Variants in SLC22A14 observed in about 807,000 individuals in gnomAD.
The protein encoded by SLC22A14 is organic cation transporter-like 4.
In SLC22A14, 50 loss-of-function variants were observed where a neutral mutation model predicts 53.9. The observed-to-expected ratio is 0.93, with a 90% CI of 0.74 to 1.17. SLC22A14 has a LOEUF of 1.17. SLC22A14 is among the 50% of genes most tolerant of loss of function. The pLI, the probability that SLC22A14 is intolerant of heterozygous loss-of-function variation, is 0.00. For synonymous variants in SLC22A14, 312 were observed against 303.0 expected (o/e 1.03, Z -0.31); for missense variants, 671 against 734.7 (o/e 0.91, Z 1.00).
At chr3:38,312,815 G>A (rs1221002801) in intron 5 of SLC22A14, among the ~76,000 whole-genome samples, 184 bp from the exon 6 acceptor site, 1 of 152,196 alleles carries the variant, frequency 6.6e-6, no homozygotes, top group Non-Finnish European at 1.5e-5. Flanking sequence ...GGCTTAGACA[G>A]GGGAAGGGCT....
intron 1 of SLC22A14, among the ~76,000 whole-genome samples, chr3:38,298,423 CATCTATCTATCTATCTATCTATCTATCT>C (rs60379934): frequency 6.8e-6 from 1 of 146,380 alleles, no homozygotes; most frequent in African/African-American, 2.5e-5. Flanking sequence ...CTTGCACACA[CATCTATCTATCTATCTATCTATCTATCT>C]ATCTATCTAT....
rs778874127 is a variant in SLC22A14 at position 38,306,149 on chromosome 3, G to T, written c.123G>T (p.Leu41Phe). Residue 41 changes from leucine to phenylalanine, a missense_variant, in exon 2 of 11, where the codon TTG becomes TTT. Leu to Phe is a conservative substitution (Grantham distance 22, BLOSUM62 0). Coordinates refer to ENST00000448498, the MANE Select transcript of SLC22A14 (RefSeq NM_001320033.2). ...CTCTGGAGATGCTGTTACGCAGATT[G>T]AGGGCTGTCCACACCAAGCAGGATG... Reference protein sequence around the residue: ...SWSLEMLLRRLRAVHTKQDDK... With the variant: ...SWSLEMLLRRFRAVHTKQDDK... 47 of 1,614,056 alleles carry T rather than the reference G, an allele frequency of 2.9e-5. No individual in the cohort carries two copies. In the South Asian group the frequency reaches 5.1e-4, roughly 17 times the overall value.
At position 38,307,650 on chromosome 3, in the gene SLC22A14, C is replaced by T. The variant is rs1704345137; in HGVS notation, c.705C>T (p.His235=). ...GFGTAFMNSF[H]LYLFFRFGIS... ...GGACAGCCTTCATGAACAGCTTTCA[C>T]CTGTATTTGTTCTTTCGCTTTGGCA... The change falls in exon 4 of 11, where the codon CAC becomes CAT. Residue 235 remains histidine (H), a synonymous_variant. Transcript: ENST00000448498. The surrounding 1 kb of genome is among the most constrained non-coding windows in gnomAD (Gnocchi z 4.4). 1 of 1,614,030 alleles carries T rather than the reference C, an allele frequency of 6.2e-7. No individual in the cohort carries two copies. The highest frequency in any genetic ancestry group is 8.5e-7 in the Non-Finnish European group (1 of 1,179,912).
chr3:38,316,938 T>C (rs911674080), intron 10 of SLC22A14, among the ~76,000 whole-genome samples: 3 of 152,196 alleles, frequency 2.0e-5, no homozygotes, highest in South Asian at 2.1e-4. Flanking sequence ...CTGGTTTTCA[T>C]AAAAAACCCA....
intron 6 of SLC22A14, 76 bp downstream of exon 6, chr3:38,313,195 G>T: frequency 6.3e-7 from 1 of 1,577,208 alleles, no homozygotes; most frequent in Admixed American, 1.8e-5. Flanking sequence ...ATCCTTTCAG[G>T]TGGGACATTG....
intron 1 of SLC22A14, among the ~76,000 whole-genome samples, chr3:38,287,968 C>T (rs956800473): frequency 4.6e-5 from 7 of 152,250 alleles, no homozygotes; most frequent in South Asian, 2.1e-4. Context: ...AACATCTTAA[C>T]CATTGTTAAG....
intron 1 of SLC22A14, among the ~76,000 whole-genome samples, chr3:38,294,315 G>T (rs202994): frequency 1 from 152,082 of 152,224 alleles, 75,970 homozygotes; most frequent in Middle Eastern, 1. Flanking sequence ...AAAGAAAGTT[G>T]GTACATGTGG....
chr3:38,308,523 G>A (rs1267234782), intron 4 of SLC22A14, among the ~76,000 whole-genome samples: 2 of 152,228 alleles, frequency 1.3e-5, no homozygotes, highest in African/African-American at 4.8e-5. Context: ...CTAGTTGCTC[G>A]GGGTTTCCTG....
intron 1 of SLC22A14, among the ~76,000 whole-genome samples, chr3:38,297,594 A>G (rs1244902502): frequency 2.0e-5 from 3 of 152,012 alleles, no homozygotes; most frequent in Non-Finnish European, 2.9e-5. Flanking sequence ...TCCATTAGCT[A>G]TTCTTCCTGA....
intron 1 of SLC22A14, among the ~76,000 whole-genome samples, chr3:38,282,704 T>C (rs1703698576): frequency 6.6e-6 from 1 of 151,946 alleles, no homozygotes; most frequent in South Asian, 2.1e-4. Flanking sequence ...TGCTCCAGGG[T>C]ATTGGGGTAT....
In SLC22A14 at chr3:38,307,773, A is replaced by T; in HGVS notation, c.775+53A>T. 6.3e-7 allele frequency: 1 copy of T among 1,596,466 alleles called. No homozygotes were observed. Among genetic ancestry groups the T allele is most frequent in the Non-Finnish European group, 8.6e-7 (1 of 1,168,156 alleles). ...CAGGGTGGCACAGGGGCATGGCGGC[A>T]TAGGCGGGTGACAAGGGGACATAGT... On this transcript the variant is annotated intron_variant, in intron 4 of 10. Transcript: ENST00000448498. The surrounding 1 kb of genome is among the most constrained non-coding windows in gnomAD (Gnocchi z 4.4).
intron 1 of SLC22A14, among the ~76,000 whole-genome samples, chr3:38,285,174 TAGC>T (rs774762445): frequency 6.6e-6 from 1 of 152,084 alleles, no homozygotes; most frequent in Non-Finnish European, 1.5e-5. Context: ...GAGCAAGTAG[TAGC>T]AGGCAGAAGT....
In SLC22A14 at chr3:38,313,298, C is replaced by G; in HGVS notation, c.1066-90C>G. On this transcript the variant is annotated intron_variant, in intron 6 of 10. Coordinates refer to ENST00000448498, the MANE Select transcript of SLC22A14 (RefSeq NM_001320033.2). ...AAGGCCAGAAGCCAGCTGGCACTTTCAGGGACAGGCAGGCCTTGTGGGTGC... is the reference window on the plus strand; with the variant it reads ...AAGGCCAGAAGCCAGCTGGCACTTTGAGGGACAGGCAGGCCTTGTGGGTGC... 3 of 1,371,058 alleles carry G rather than the reference C, an allele frequency of 2.2e-6. No individual in the cohort carries two copies. In the South Asian group the frequency reaches 3.5e-5, roughly 16 times the overall value. The allele number at this position is 1,371,058 out of a possible 1,614,324, so 84.9% of individuals were successfully genotyped here.
At chr3:38,298,833 G>T (rs1344838894) in intron 1 of SLC22A14, among the ~76,000 whole-genome samples, 1 of 152,154 alleles carries the variant, frequency 6.6e-6, no homozygotes, top group Non-Finnish European at 1.5e-5. Context: ...GGGATTACAG[G>T]TGTGAGCCAC....
chr3:38,317,944 G>A (rs1343807747), intron 10 of SLC22A14, among the ~76,000 whole-genome samples: 2 of 152,182 alleles, frequency 1.3e-5, no homozygotes, highest in African/African-American at 4.8e-5. Flanking sequence ...TGTGGCAAGT[G>A]CTCAGTAAAT....
chr3:38,295,482 A>T (rs1027504156), intron 1 of SLC22A14, among the ~76,000 whole-genome samples: 24 of 152,224 alleles, frequency 1.6e-4, no homozygotes, highest in African/African-American at 5.8e-4. Context: ...TTTTGATAGG[A>T]AGGCTATGGG....
At position 38,316,331 on chromosome 3, in the gene SLC22A14, G is replaced by T; in HGVS notation, c.1540G>T (p.Gly514Cys). Residue 514 changes from glycine to cysteine, a missense_variant, in exon 10 of 11, where the codon GGT becomes TGT. Gly to Cys is a radical substitution (Grantham distance 159, BLOSUM62 -3). Coordinates refer to ENST00000448498, the MANE Select transcript of SLC22A14 (RefSeq NM_001320033.2). ...ELLPTVLRAT[G>C]LGLVSLASVA... is the part of the protein sequence containing the mutation. Reference sequence around the variant, plus strand: ...TCTCACCTCCACTTTCAGGGCGACAGGTCTGGGGCTGGTGTCTCTGGCCTC... The same window carrying T: ...TCTCACCTCCACTTTCAGGGCGACATGTCTGGGGCTGGTGTCTCTGGCCTC... The T allele has an allele frequency of 6.2e-7, 1 of 1,614,160 alleles. No homozygotes were observed. The highest frequency in any genetic ancestry group is 8.5e-7 in the Non-Finnish European group (1 of 1,180,044).
intron 1 of SLC22A14, chr3:38,305,330 G>A (rs1186351936): frequency 6.6e-6 from 1 of 152,250 alleles, no homozygotes; most frequent in East Asian, 1.9e-4. Context: ...TTTTCCTTTA[G>A]AGAAGGCTCG....
At position 38,316,358 on chromosome 3, in the gene SLC22A14, G is replaced by A. The variant is rs202147117; in HGVS notation, c.1567G>A (p.Val523Met). The stretch of plus-strand genomic sequence containing the variant: ...TCTGGGGCTGGTGTCTCTGGCCTCG[G>A]TGGCTGGAGCCATCTTGTCCCTGAC... Reference protein sequence around the residue: ...TGLGLVSLASVAGAILSLTII... With the variant: ...TGLGLVSLASMAGAILSLTII... The change falls in exon 10 of 11, where the codon GTG (valine) becomes ATG (methionine). Residue 523 changes from valine (V) to methionine (M), a missense_variant. By Grantham distance (21) the Val-to-Met change is conservative. Coordinates refer to ENST00000448498, the MANE Select transcript of SLC22A14 (RefSeq NM_001320033.2). The A allele has an allele frequency of 1.7e-4, 268 of 1,614,010 alleles. 1 individual carries two copies. The highest frequency in any genetic ancestry group is 1.9e-4 in the Non-Finnish European group (228 of 1,180,042).
Sources: allele counts gnomAD v4.1 joint callset (sites outside exome capture counted in the v4.1 genomes callset), GRCh38; gene constraint gnomAD v4.1.1; non-coding constraint Gnocchi (gnomAD v3.1); transcripts MANE v1.5; gene names NCBI Gene and HGNC (gene_info 2026-07-23, HGNC 2026-07-21).